Variants in DYNC2H1 observed in about 807,000 individuals in gnomAD.
DYNC2H1 encodes the protein cytoplasmic dynein 2 heavy chain 1.
Under a neutral mutation model 570.0 loss-of-function variants are expected in DYNC2H1, and 410 were observed. The observed-to-expected ratio is 0.72, with a 90% CI of 0.66 to 0.78. DYNC2H1 has a LOEUF of 0.78. Ranked by LOEUF, DYNC2H1 falls within the 30% of genes least tolerant of loss-of-function variation. The probability of loss-of-function intolerance (pLI) is 0.00; values close to 1 mark genes in which losing one functional copy is unlikely to be tolerated. For missense variants in DYNC2H1, 4,865 were observed against 5,046.4 expected (o/e 0.96, Z 1.09); for synonymous variants, 1,688 against 1,677.6 (o/e 1.01, Z -0.15).
rs34032894 is a variant in DYNC2H1, at chr11:103,451,324, C to CTTTTTTTT, written c.12457-3842_12457-3835dup. Reference sequence around the variant, plus strand: ...AGAAATGAATCACTGAGTAAAAGGGCTTTTTTTTTTTTTTTTTTTTTTTTT... The same window carrying CTTTTTTTT: ...AGAAATGAATCACTGAGTAAAAGGGCTTTTTTTTTTTTTTTTTTTTTTTTTTTTTTTTT... On this transcript the variant is annotated intron_variant, in intron 85 of 88. Transcript: ENST00000375735. 3.7e-4 allele frequency among the ~76,000 whole-genome samples: 26 copies of CTTTTTTTT among 71,034 alleles called. 2 individuals carry two copies. The highest frequency in any genetic ancestry group is 0.013 in the Middle Eastern group (1 of 78). 46.6% of individuals were successfully genotyped at this position (71,034 alleles called of 152,430 possible).
intron 11 of DYNC2H1, among the ~76,000 whole-genome samples, chr11:103,124,445 C>CA (rs34997507): frequency 0.17 from 12,317 of 71,002 alleles, 866 homozygotes; most frequent in Non-Finnish European, 0.23. Flanking sequence ...TACCCTGTCT[C>CA]AAAAAAAAAA....
At chr11:103,118,004 T>C (rs1442952133) in intron 6 of DYNC2H1, 141 bp downstream of exon 6, 1 of 637,438 alleles carries the variant, frequency 1.6e-6, no homozygotes, top group African/African-American at 1.9e-5. Flanking sequence ...AAGTTCTTGT[T>C]GGGCCAGTTT....
At chr11:103,200,009 C>A in intron 49 of DYNC2H1, 37 bp from the exon 50 acceptor site, 1 of 1,388,606 alleles carries the variant, frequency 7.2e-7, no homozygotes, top group Non-Finnish European at 1.0e-6. Flanking sequence ...ACCAAAAATA[C>A]TTAAAGGGCA....
chr11:103,110,558 T>A (rs918918239), intron 1 of DYNC2H1, among the ~76,000 whole-genome samples: 1 of 152,080 alleles, frequency 6.6e-6, no homozygotes, highest in African/African-American at 2.4e-5. Context: ...TTGGTGTACA[T>A]CATGTGATAT....
rs143897285 is a variant in DYNC2H1, at chr11:103,253,434, G to A, written c.10192G>A (p.Gly3398Arg). ...GGTTAACTTTACTACAACAAGAAGT[G>A]GATTACGAGGGCAGGTATACATAGA... ...TEVNFTTTRS[G>R]LRGQLLALTI... The change falls in exon 66 of 89, where the codon GGA becomes AGA. Residue 3398 changes from glycine to arginine, a missense_variant. By Grantham distance (125) the Gly-to-Arg change is moderately radical. This residue lies in a region of DYNC2H1 where 2,401 missense variants were observed against 2,454.6 expected (regional missense o/e 0.98). Transcript: ENST00000375735. 4.3e-6 allele frequency: 7 copies of A among 1,612,272 alleles called. No homozygotes were observed. The African/African-American group carries it at 9.3e-5, about 22-fold the overall frequency.
chr11:103,242,082 C>G (rs1864443522), intron 63 of DYNC2H1, among the ~76,000 whole-genome samples: 1 of 151,836 alleles, frequency 6.6e-6, no homozygotes, highest in Non-Finnish European at 1.5e-5. Context: ...GTTCCAAGAC[C>G]CTCAGTGGAT....
At chr11:103,125,737 C>T (rs1033132327) in intron 12 of DYNC2H1, among the ~76,000 whole-genome samples, 1 of 152,202 alleles carries the variant, frequency 6.6e-6, no homozygotes, top group Non-Finnish European at 1.5e-5. Context: ...TATCAGCTCA[C>T]AGTCTAGCTC....
chr11:103,392,817 C>G (rs1024441947), intron 83 of DYNC2H1, among the ~76,000 whole-genome samples: 4 of 151,744 alleles, frequency 2.6e-5, no homozygotes, highest in Non-Finnish European at 4.4e-5. Context: ...ACAAAAATCT[C>G]AAATGTATGA....
In DYNC2H1 at chr11:103,277,930, C is replaced by A. The variant is rs1296721664; in HGVS notation, c.10696-2418C>A. Reference sequence around the variant, plus strand: ...TCATATTTTTGCTGATAATGTAATTCTTTAAGGGCCCAAGTTTTAGAAAGA... The same window carrying A: ...TCATATTTTTGCTGATAATGTAATTATTTAAGGGCCCAAGTTTTAGAAAGA... On this transcript the variant is annotated intron_variant, in intron 70 of 88. Transcript: ENST00000375735. The surrounding 1 kb of genome is among the most constrained non-coding windows in gnomAD (Gnocchi z 4.3). 2.6e-5 allele frequency among the ~76,000 whole-genome samples: 4 copies of A among 152,118 alleles called. No homozygotes were observed. The highest frequency in any genetic ancestry group is 4.8e-5 in the African/African-American group (2 of 41,420).
intron 84 of DYNC2H1, among the ~76,000 whole-genome samples, chr11:103,420,145 C>T (rs1565583857): frequency 1.3e-5 from 2 of 151,402 alleles, no homozygotes; most frequent in Non-Finnish European, 2.9e-5. Flanking sequence ...TGTAAAGAGA[C>T]CTAACCTCTG....
At position 103,423,878 on chromosome 11, in the gene DYNC2H1, G is replaced by C. The variant is rs186498588; in HGVS notation, c.12367-12065G>C. Among the ~76,000 whole-genome samples the C allele has an allele frequency of 2.5e-3, 375 of 152,150 alleles. 3 individuals are homozygous for C. Among genetic ancestry groups the C allele is most frequent in the African/African-American group, 8.4e-3 (349 of 41,550 alleles). ...GAATATCAATATATAAAGATCAGTT[G>C]TATTTCTGTATAATAGCAATGAATC... On this transcript the variant is annotated intron_variant, in intron 84 of 88. Coordinates refer to ENST00000375735, the MANE Select transcript of DYNC2H1 (RefSeq NM_001377.3).
At chr11:103,147,000 A>G (rs1955247) in intron 18 of DYNC2H1, among the ~76,000 whole-genome samples, 14,022 of 152,230 alleles carry the variant, frequency 0.092, 919 homozygotes, top group East Asian at 0.22. Context: ...ATAAAAATTT[A>G]TTTTGCCATT....
At chr11:103,460,612 C>A (rs1944977361) in intron 87 of DYNC2H1, among the ~76,000 whole-genome samples, 1 of 149,482 alleles carries the variant, frequency 6.7e-6, no homozygotes, top group African/African-American at 2.5e-5. Context: ...TATGAGTAGA[C>A]TTCAATAATA....
intron 82 of DYNC2H1, among the ~76,000 whole-genome samples, chr11:103,345,585 T>C (rs1017058000): frequency 6.6e-6 from 1 of 152,194 alleles, no homozygotes; most frequent in Admixed American, 6.5e-5. Flanking sequence ...TATGCATCTT[T>C]CCATGTGTTC....
rs667202 is a variant in DYNC2H1, at chr11:103,435,727, A to T, written c.12367-216A>T. Among the ~76,000 whole-genome samples the T allele has an allele frequency of 0.55, 84,153 of 151,884 alleles. 23,918 individuals carry two copies. The highest frequency in any genetic ancestry group is 0.72 in the East Asian group (3,699 of 5,164). ...ATTTTTTATATGCCAGTTTAAGTTC[A>T]TCTTGTTATTCTTTCAGGAACTTGT... On this transcript the variant is annotated intron_variant, in intron 84 of 88. Transcript: ENST00000375735.
chr11:103,225,731 C>A (rs1464689767), intron 59 of DYNC2H1, among the ~76,000 whole-genome samples: 1 of 151,978 alleles, frequency 6.6e-6, no homozygotes, highest in East Asian at 1.9e-4. Flanking sequence ...TTTGGCTATG[C>A]AGGTTCTTTT....
chr11:103,229,009 AG>A (rs1863902333), intron 59 of DYNC2H1, among the ~76,000 whole-genome samples: 1 of 151,988 alleles, frequency 6.6e-6, no homozygotes, highest in Non-Finnish European at 1.5e-5. Flanking sequence ...CACCCAGGGT[AG>A]TGGGGGAAAG....
intron 84 of DYNC2H1, among the ~76,000 whole-genome samples, chr11:103,415,867 A>G (rs1411276421): frequency 1.3e-5 from 2 of 152,232 alleles, no homozygotes; most frequent in African/African-American, 4.8e-5. Flanking sequence ...TTATTGCTGC[A>G]CTATTCACAA....
chr11:103,453,196 G>A (rs999393323), intron 85 of DYNC2H1, among the ~76,000 whole-genome samples: 2 of 151,986 alleles, frequency 1.3e-5, no homozygotes, highest in African/African-American at 2.4e-5. Flanking sequence ...TTTAAAAGGG[G>A]CATAGCCCAT....
Sources: gnomAD v4.1 joint callset for allele counts (sites outside exome capture counted in the v4.1 genomes callset) on GRCh38, gnomAD v4.1.1 for gene constraint, gnomAD v4.1.1 regional missense constraint, Gnocchi (gnomAD v3.1) non-coding constraint, MANE v1.5 for transcripts, NCBI Gene and HGNC (gene_info 2026-07-23, HGNC 2026-07-21) for gene names.